The following AMOTL2 variants were observed in gnomAD, a reference collection of about 807,000 sequenced individuals.
The protein encoded by AMOTL2 is angiomotin like 2.
In AMOTL2, 33 loss-of-function variants were observed where a neutral mutation model predicts 78.4. The observed-to-expected ratio is 0.42, with a 90% CI of 0.32 to 0.56. The LOEUF is 0.56. Among genes scored for constraint, AMOTL2 ranks in the 20% least tolerant of loss-of-function variants. The pLI is 0.12. For synonymous variants in AMOTL2, 422 were observed against 428.8 expected (o/e 0.98, Z 0.20); for missense variants, 983 against 1,030.1 (o/e 0.95, Z 0.63).
rs1444121098 is a variant in AMOTL2 at position 134,361,766 on chromosome 3, T to C, written c.1321A>G (p.Met441Val). Reference sequence around the variant, plus strand: ...TCGATGGCGCCGCGCAGCAGTGCCATCTCTCGCTCCAGCTTCTCTTGCTCC... The same window carrying C: ...TCGATGGCGCCGCGCAGCAGTGCCACCTCTCGCTCCAGCTTCTCTTGCTCC... ...QQEQEKLERE[M>V]ALLRGAIEDQ... The change falls in exon 6 of 10, where the codon ATG (methionine) becomes GTG (valine). Residue 441 changes from methionine to valine, a missense_variant. Physicochemically the swap from Met to Val is conservative, Grantham distance 21. Transcript: ENST00000249883. 2 of 1,579,226 alleles carry C rather than the reference T, an allele frequency of 1.3e-6. No homozygotes were observed. The highest frequency in any genetic ancestry group is 2.7e-5 in the African/African-American group (2 of 74,006).
intron 9 of AMOTL2, among the ~76,000 whole-genome samples, chr3:134,358,010 G>C (rs1283770535): frequency 6.6e-6 from 1 of 152,210 alleles, no homozygotes; most frequent in African/African-American, 2.4e-5. Flanking sequence ...GGCTTAGAGA[G>C]AGCAATGGAG....
In AMOTL2 at chr3:134,360,232, G is replaced by A. The variant is rs745957994; in HGVS notation, c.1757C>T (p.Ala586Val). The change falls in exon 7 of 10, where the codon GCG becomes GTG. Residue 586 changes from alanine (A) to valine (V), a missense_variant. Ala to Val is a moderately conservative substitution (Grantham distance 64). Coordinates refer to ENST00000249883, the MANE Select transcript of AMOTL2 (RefSeq NM_016201.4). ...ACGCTGAGCAGCAGCCGTGGCAGCC[G>A]CATCCATGGCAAACTGCCTCATGGC... ...ERAMRQFAMD[A>V]AATAAAQRDT... 15 of 1,613,994 alleles carry A rather than the reference G, an allele frequency of 9.3e-6. No individual in the cohort carries two copies. The highest frequency in any genetic ancestry group is 1.1e-5 in the Non-Finnish European group (13 of 1,179,988).
At chr3:134,374,901 CTGTG>C (rs749884597), upstream of AMOTL2, 704 of 1,167,540 alleles carry the variant, frequency 6.0e-4, no homozygotes, top group Middle Eastern at 1.8e-3. Flanking sequence ...GGGACTCCGG[CTGTG>C]TGTGTGTGTG....
At chr3:134,359,583 G>C (rs1475388082) in intron 7 of AMOTL2, 80 bp from the exon 8 acceptor site, 6 of 1,237,084 alleles carry the variant, frequency 4.9e-6, no homozygotes, top group South Asian at 2.8e-5. Flanking sequence ...ATAGGAGTTA[G>C]AGGAAAAGCC....
In AMOTL2 at chr3:134,368,555, T is replaced by C. The variant is rs557053357; in HGVS notation, c.735-752A>G. Among the ~76,000 whole-genome samples, 6 of 152,342 alleles carry C rather than the reference T, an allele frequency of 3.9e-5. No homozygotes were observed. In the East Asian group the frequency reaches 1.2e-3, roughly 29 times the overall value. On this transcript the variant is annotated intron_variant, in intron 2 of 9. Transcript: ENST00000249883. ...GCCCCACAGACTGGGCATTGCTCTG[T>C]TGCATCATGAGGGTCTCCAGCCTCG... is the stretch of plus-strand genomic sequence containing the variant.
upstream of AMOTL2, chr3:134,374,963 A>C: frequency 7.3e-7 from 1 of 1,369,878 alleles, no homozygotes; most frequent in African/African-American, 1.5e-5. Flanking sequence ...GAAAGGGAGG[A>C]GGGACTGCAA....
At position 134,358,600 on chromosome 3, in the gene AMOTL2, G is replaced by C. The variant is rs770039689; in HGVS notation, c.2224C>G (p.Leu742Val). ...EGPPDSTSTC[L>V]PPEPDSLLGC... is the part of the protein sequence containing the mutation. The stretch of plus-strand genomic sequence containing the variant: ...AGAAGGCTGTCAGGCTCCGGTGGCA[G>C]GCAGGTGGAGGTGCTGTCTGGGGGG... Residue 742 changes from leucine to valine, a missense_variant, in exon 9 of 10, where the codon CTG (leucine) becomes GTG (valine). Physicochemically the swap from Leu to Val is conservative, Grantham distance 32 (BLOSUM62 1). Coordinates refer to ENST00000249883, the MANE Select transcript of AMOTL2 (RefSeq NM_016201.4). 1.9e-5 allele frequency: 30 copies of C among 1,614,028 alleles called. No individual in the cohort carries two copies. The highest frequency in any genetic ancestry group is 2.5e-5 in the Non-Finnish European group (30 of 1,180,042).
intron 2 of AMOTL2, among the ~76,000 whole-genome samples, chr3:134,368,853 T>C (rs2017725591): frequency 6.6e-6 from 1 of 152,152 alleles, no homozygotes; most frequent in Non-Finnish European, 1.5e-5. Context: ...GGCTCCATGT[T>C]GAGGGAAGGA....
chr3:134,358,479 G>A (rs557966020), intron 9 of AMOTL2, 61 bp downstream of exon 9: 3 of 1,549,740 alleles, frequency 1.9e-6, no homozygotes, highest in African/African-American at 2.7e-5. Flanking sequence ...TTGTGTTCCA[G>A]TTCACACCCC....
chr3:134,373,269 C>A (rs757693969), intron 1 of AMOTL2, among the ~76,000 whole-genome samples: 15 of 152,100 alleles, frequency 9.9e-5, no homozygotes, highest in Non-Finnish European at 1.9e-4. Flanking sequence ...TATCTGCGGG[C>A]ATTTCCTATG....
At chr3:134,365,094 C>T (rs1407638608) in intron 5 of AMOTL2, among the ~76,000 whole-genome samples, 4 of 152,160 alleles carry the variant, frequency 2.6e-5, no homozygotes, top group Non-Finnish European at 5.9e-5. Context: ...GGGCCACCCC[C>T]GTTGTTCTTT....
Position 134,361,607 on chromosome 3 carries a change from C to T in AMOTL2, c.1480G>A (p.Gly494Arg), listed in dbSNP as rs759361322. Residue 494 changes from glycine to arginine, a missense_variant, in exon 6 of 10, where the codon GGG (glycine) becomes AGG (arginine). Coordinates refer to ENST00000249883, the MANE Select transcript of AMOTL2 (RefSeq NM_016201.4). Reference protein sequence around the residue: ...EKVERLQQALGQLQAACEKRE... With the variant: ...EKVERLQQALRQLQAACEKRE... The stretch of plus-strand genomic sequence containing the variant: ...TTCTCACAGGCTGCCTGCAGCTGCC[C>T]GAGCGCCTGCTGCAGCCGCTCCACT... 23 of 1,612,796 alleles carry T rather than the reference C, an allele frequency of 1.4e-5. No individual in the cohort carries two copies. Among genetic ancestry groups the T allele is most frequent in the Admixed American group, 1.3e-4 (8 of 60,008 alleles).
Position 134,371,030 on chromosome 3 carries a change from C to A in AMOTL2, c.404G>T (p.Gly135Val). Reference protein sequence around the residue: ...RPHAGDRDPRGAPGGSRRQDE... With the variant: ...RPHAGDRDPRVAPGGSRRQDE... ...CTGCCTCCGACTGCCTCCCGGGGCC[C>A]CACGGGGATCTCGGTCCCCCGCATG... Residue 135 changes from glycine to valine, a missense_variant, in exon 2 of 10, where the codon GGG becomes GTG. Coordinates refer to ENST00000249883, the MANE Select transcript of AMOTL2 (RefSeq NM_016201.4). 6.2e-7 allele frequency: 1 copy of A among 1,605,978 alleles called. No individual in the cohort carries two copies. Among genetic ancestry groups the A allele is most frequent in the Non-Finnish European group, 8.5e-7 (1 of 1,176,332 alleles).
Position 134,360,228 on chromosome 3 carries a change from AG to A in AMOTL2, c.1760del (p.Ala587ValfsTer43), listed in dbSNP as rs770056566. On this transcript the variant is annotated frameshift_variant, in exon 7 of 10. Coordinates refer to ENST00000249883, the MANE Select transcript of AMOTL2 (RefSeq NM_016201.4). LOFTEE classifies it high-confidence loss of function. The part of the protein sequence containing the change: ...RAMRQFAMDA[A>X]ATAAAQRDTT... ...TGTCACGCTGAGCAGCAGCCGTGGCAGCCGCATCCATGGCAAACTGCCTCAT... is the reference window on the plus strand; with the variant it reads ...TGTCACGCTGAGCAGCAGCCGTGGCACCGCATCCATGGCAAACTGCCTCAT... The A allele has an allele frequency of 6.2e-7, 1 of 1,614,188 alleles. No individual in the cohort carries two copies. The highest frequency in any genetic ancestry group is 1.1e-5 in the South Asian group (1 of 91,080).
At chr3:134,372,244 G>C (rs1379188221) in intron 1 of AMOTL2, among the ~76,000 whole-genome samples, 2 of 152,200 alleles carry the variant, frequency 1.3e-5, no homozygotes, top group Admixed American at 6.5e-5. Context: ...CTTGGGCTCT[G>C]CTTCATCAAG....
intron 7 of AMOTL2, 150 bp from the exon 8 acceptor site, chr3:134,359,653 G>C: frequency 1.5e-6 from 1 of 668,954 alleles, no homozygotes; most frequent in South Asian, 2.0e-5. Context: ...CAGGGACCCA[G>C]AGAGGGCTTA....
rs1160124016 is a variant in AMOTL2 at position 134,358,420 on chromosome 3, C to T, written c.2284+120G>A. 18 of 1,247,444 alleles carry T rather than the reference C, an allele frequency of 1.4e-5. 1 individual carries two copies. The highest frequency in any genetic ancestry group is 2.0e-5 in the Non-Finnish European group (18 of 922,712). The allele number at this position is 1,247,444 out of a possible 1,614,324, so 77.3% of individuals were successfully genotyped here. A position where few individuals can be genotyped will look rare whatever the true frequency, so the allele number is the denominator to read the frequency against. ...GCTCACCTCTGGCTATGCACGGCTCCCCATGGAGTGCGGGCAATGACCCGG... is the reference window on the plus strand; with the variant it reads ...GCTCACCTCTGGCTATGCACGGCTCTCCATGGAGTGCGGGCAATGACCCGG... On this transcript the variant is annotated intron_variant, in intron 9 of 9. Transcript: ENST00000249883.
chr3:134,357,684 A>T lies in AMOTL2; in HGVS notation c.*21T>A, dbSNP rs750942114. On this transcript the variant is annotated 3_prime_UTR_variant, in exon 10 of 10. Coordinates refer to ENST00000249883, the MANE Select transcript of AMOTL2 (RefSeq NM_016201.4). ...CAGAGGAGGGGAGAGAATGGCTCAG[A>T]GTCCTGAAGCACCACCTCCTTCAGA... 6.2e-7 allele frequency: 1 copy of T among 1,613,324 alleles called. No individual in the cohort carries two copies. The highest frequency in any genetic ancestry group is 1.1e-5 in the South Asian group (1 of 91,058).
At chr3:134,372,562 C>CACACACACACACACACACACAA (rs1392836074) in intron 1 of AMOTL2, among the ~76,000 whole-genome samples, 3 of 150,546 alleles carry the variant, frequency 2.0e-5, no homozygotes, top group African/African-American at 7.5e-5. Flanking sequence ...CACACAAACA[C>CACACACACACACACACACACAA]ACACACACGC....
Sources: allele counts gnomAD v4.1 joint callset (sites outside exome capture counted in the v4.1 genomes callset), GRCh38; gene constraint gnomAD v4.1.1; transcripts MANE v1.5; gene names NCBI Gene and HGNC (gene_info 2026-07-23, HGNC 2026-07-21).